IGFBPL1: variants seen among roughly 807,000 people sequenced by gnomAD.
The protein encoded by IGFBPL1 is insulin like growth factor binding protein like 1.
IGFBPL1 carries 20 observed loss-of-function variants against 23.9 expected under a neutral mutation model. The observed-to-expected ratio is 0.84, with a 90% CI of 0.59 to 1.22. The LOEUF (loss-of-function observed/expected upper bound fraction) is 1.22. IGFBPL1 is among the 50% of genes most tolerant of loss of function. The probability of loss-of-function intolerance (pLI) is 0.00; values close to 1 mark genes in which losing one functional copy is unlikely to be tolerated. For synonymous variants in IGFBPL1, 184 were observed against 171.8 expected (o/e 1.07, Z -0.56); for missense variants, 436 against 379.3 (o/e 1.15, Z -1.24).
In IGFBPL1 at chr9:38,419,361, A is replaced by C. The variant is rs536038246; in HGVS notation, c.460+4604T>G. On this transcript the variant is annotated intron_variant, in intron 1 of 4. Coordinates refer to ENST00000377694, the MANE Select transcript of IGFBPL1 (RefSeq NM_001007563.3). The stretch of plus-strand genomic sequence containing the variant: ...CTGCTCCCTGCAGCCTCTGCCTCAG[A>C]TCTCCTCCCTCAGCATGAAAGGGTT... 9.2e-5 allele frequency among the ~76,000 whole-genome samples: 14 copies of C among 152,192 alleles called. No homozygotes were observed. In the South Asian group the frequency reaches 2.9e-3, roughly 32 times the overall value.
chr9:38,423,389 C>T (rs1821708931), intron 1 of IGFBPL1, among the ~76,000 whole-genome samples: 1 of 152,252 alleles, frequency 6.6e-6, no homozygotes, highest in Admixed American at 6.5e-5. Context: ...TCTTTTCAGA[C>T]CTTACGTCTC....
intron 1 of IGFBPL1, among the ~76,000 whole-genome samples, chr9:38,421,483 AG>A (rs1256648906): frequency 3.9e-5 from 6 of 152,040 alleles, no homozygotes; most frequent in African/African-American, 2.4e-5. Context: ...GGCATGTATA[AG>A]GGCCCTTCAC....
intron 3 of IGFBPL1, among the ~76,000 whole-genome samples, chr9:38,412,478 A>C (rs1226325623): frequency 6.6e-6 from 1 of 152,186 alleles, no homozygotes; most frequent in Admixed American, 6.5e-5. Context: ...TCATCTTGGT[A>C]AAAGTGCTGC....
chr9:38,423,887 A>AG (rs1587418695), intron 1 of IGFBPL1, 78 bp downstream of exon 1: 1 of 1,254,456 alleles, frequency 8.0e-7, no homozygotes, highest in Non-Finnish European at 1.0e-6. Context: ...ACCACTGGGC[A>AG]GGGGGATCCT....
chr9:38,421,902 C>A (rs866475017), intron 1 of IGFBPL1, among the ~76,000 whole-genome samples: 1 of 152,204 alleles, frequency 6.6e-6, no homozygotes. Flanking sequence ...GGAGGCCTGA[C>A]GCCTGTCAGT....
At chr9:38,420,002 G>C (rs1250624516) in intron 1 of IGFBPL1, among the ~76,000 whole-genome samples, 2 of 151,952 alleles carry the variant, frequency 1.3e-5, no homozygotes, top group Admixed American at 1.3e-4. Context: ...AAATCCTCCT[G>C]CCTCAGCCTC....
At chr9:38,413,010 G>T (rs980537590) in intron 3 of IGFBPL1, among the ~76,000 whole-genome samples, 6 of 152,198 alleles carry the variant, frequency 3.9e-5, no homozygotes, top group African/African-American at 1.4e-4. Context: ...GTACGGTTCT[G>T]GGGGTGAGGA....
rs1357266027 is a variant in IGFBPL1, at chr9:38,408,359, T to C, written c.*868A>G. On this transcript the variant is annotated 3_prime_UTR_variant, in exon 5 of 5. Coordinates refer to ENST00000377694, the MANE Select transcript of IGFBPL1 (RefSeq NM_001007563.3). The stretch of plus-strand genomic sequence containing the variant: ...GGAACGATCACTCGAGCCCAGAAAG[T>C]GGAGGTTGCAGTGAGCCATGATCAC... Among the ~76,000 whole-genome samples, 2 of 146,854 alleles carry C rather than the reference T, an allele frequency of 1.4e-5. No homozygotes were observed. The highest frequency in any genetic ancestry group is 3.0e-5 in the Non-Finnish European group (2 of 66,970).
At chr9:38,420,425 G>C (rs533522219) in intron 1 of IGFBPL1, among the ~76,000 whole-genome samples, 1 of 152,308 alleles carries the variant, frequency 6.6e-6, no homozygotes, top group South Asian at 2.1e-4. Context: ...GACAAACCTT[G>C]GGAAAAACAG....
chr9:38,412,343 G>A (rs1399933753), intron 3 of IGFBPL1, among the ~76,000 whole-genome samples: 1 of 152,204 alleles, frequency 6.6e-6, no homozygotes, highest in Non-Finnish European at 1.5e-5. Context: ...AAGGCCCTCA[G>A]AGGTCTTTCA....
intron 1 of IGFBPL1, among the ~76,000 whole-genome samples, chr9:38,422,241 G>A (rs1319674456): frequency 6.6e-6 from 1 of 152,204 alleles, no homozygotes; most frequent in Non-Finnish European, 1.5e-5. Flanking sequence ...TGACCTTGCT[G>A]TGTCTCAGTC....
chr9:38,413,700 G>C (rs142926395), intron 2 of IGFBPL1, among the ~76,000 whole-genome samples: 166 of 152,230 alleles, frequency 1.1e-3, no homozygotes, highest in African/African-American at 3.9e-3. Context: ...TTTGGTTTTG[G>C]AATAGGACTG....
At chr9:38,411,591 C>G (rs542088232) in intron 3 of IGFBPL1, 42 bp from the exon 4 acceptor site, 8 of 1,547,002 alleles carry the variant, frequency 5.2e-6, no homozygotes, top group African/African-American at 4.1e-5. Flanking sequence ...ATATAAGGAA[C>G]AGCAAAATGA....
rs35229194 is a variant in IGFBPL1 at position 38,408,253 on chromosome 9, C to CAAAAAAAA, written c.*966_*973dup. 3.7e-4 allele frequency among the ~76,000 whole-genome samples: 26 copies of CAAAAAAAA among 70,186 alleles called. No individual in the cohort carries two copies. Among genetic ancestry groups the CAAAAAAAA allele is most frequent in the Non-Finnish European group, 5.3e-4 (19 of 35,760 alleles). The allele number at this position is 70,186 out of a possible 152,430, so 46.0% of individuals were successfully genotyped here. ...GCAACATAGGGAGACCCTGTCTCTA[C>CAAAAAAAA]AAAAAAAAAAAAAAAAAAAAAAAAA... On this transcript the variant is annotated 3_prime_UTR_variant, in exon 5 of 5. Coordinates refer to ENST00000377694, the MANE Select transcript of IGFBPL1 (RefSeq NM_001007563.3).
chr9:38,421,240 C>G (rs960318025), intron 1 of IGFBPL1, among the ~76,000 whole-genome samples: 1 of 121,510 alleles, frequency 8.2e-6, no homozygotes, highest in Non-Finnish European at 1.6e-5. Context: ...GGGCTGTGAT[C>G]AAGCCATTGT....
At position 38,424,155 on chromosome 9, in the gene IGFBPL1, T is replaced by C. The variant is rs879746013; in HGVS notation, c.270A>G (p.Val90=). The change falls in exon 1 of 5, where the codon GTA becomes GTG. Residue 90 remains valine, a synonymous_variant. Transcript: ENST00000377694. ...CTGCCCCAGCGGCCTGGCTCGCGCA[T>C]ACCAGGCCGGGGCCACAGCGCCCGC... is the stretch of plus-strand genomic sequence containing the variant. ...RAGGRCGPGL[V]CASQAAGAAP... is the part of the protein sequence containing the mutation. 1.3e-5 allele frequency: 16 copies of C among 1,207,918 alleles called. No homozygotes were observed. The highest frequency in any genetic ancestry group is 1.6e-5 in the Non-Finnish European group (16 of 973,020). The allele number at this position is 1,207,918 out of a possible 1,614,324, so 74.8% of individuals were successfully genotyped here.
chr9:38,424,137 A>C lies in IGFBPL1; in HGVS notation c.288T>G (p.Ala96=). 8.0e-7 allele frequency: 1 copy of C among 1,246,274 alleles called. No homozygotes were observed. 77.2% of individuals were successfully genotyped at this position (1,246,274 alleles called of 1,614,324 possible). Reference sequence around the variant, plus strand: ...GCCCGGTGCCCTCGGGCGCTGCCCCAGCGGCCTGGCTCGCGCATACCAGGC... The same window carrying C: ...GCCCGGTGCCCTCGGGCGCTGCCCCCGCGGCCTGGCTCGCGCATACCAGGC... The part of the protein sequence containing the change: ...GPGLVCASQA[A]GAAPEGTGLC... Residue 96 remains alanine (A), a synonymous_variant, in exon 1 of 5, where the codon GCT becomes GCG. Coordinates refer to ENST00000377694, the MANE Select transcript of IGFBPL1 (RefSeq NM_001007563.3).
chr9:38,414,294 T>C, intron 1 of IGFBPL1, 91 bp from the exon 2 acceptor site: 1 of 709,884 alleles, frequency 1.4e-6, no homozygotes, highest in Non-Finnish European at 2.4e-6. Flanking sequence ...GAGCCCGCTG[T>C]GATGTCCTGA....
rs1436016222 is a variant in IGFBPL1, at chr9:38,424,095, C to A, written c.330G>T (p.Gln110His). 1.2e-5 allele frequency: 16 copies of A among 1,369,856 alleles called. No homozygotes were observed. The highest frequency in any genetic ancestry group is 1.5e-5 in the African/African-American group (1 of 65,332). The allele number at this position is 1,369,856 out of a possible 1,614,324, so 84.9% of individuals were successfully genotyped here. A position where few individuals can be genotyped will look rare whatever the true frequency, so the allele number is the denominator to read the frequency against. The change falls in exon 1 of 5, where the codon CAG becomes CAT. Residue 110 changes from glutamine to histidine, a missense_variant. Physicochemically the swap from Gln to His is conservative, Grantham distance 24 (BLOSUM62 0). Transcript: ENST00000377694. ...PEGTGLCVCA[Q>H]RGTVCGSDGR... ...CGTCGGAGCCGCAGACGGTGCCGCG[C>A]TGCGCGCACACGCAGAGCCCGGTGC... is the stretch of plus-strand genomic sequence containing the variant.
Sources: gnomAD v4.1 joint callset for allele counts (sites outside exome capture counted in the v4.1 genomes callset) on GRCh38, gnomAD v4.1.1 for gene constraint, MANE v1.5 for transcripts, NCBI Gene and HGNC (gene_info 2026-07-23, HGNC 2026-07-21) for gene names.